Variants in SFI1 observed in about 807,000 individuals in gnomAD.
The protein encoded by SFI1 is SFI1 centrin binding protein.
Under a neutral mutation model 207.5 loss-of-function variants are expected in SFI1, and 195 were observed. The ratio of observed to expected loss-of-function variants is 0.94; its 90% confidence interval spans 0.84 to 1.06. The LOEUF is 1.06. Ranked by LOEUF, SFI1 falls within the 50% of genes least tolerant of loss-of-function variation. The pLI is 0.00. For missense variants in SFI1, 1,634 were observed against 1,588.0 expected (o/e 1.03, Z -0.49); for synonymous variants, 630 against 598.9 (o/e 1.05, Z -0.76).
rs2060511161 is a variant in SFI1 at position 31,550,319 on chromosome 22, G to A, written c.515G>A (p.Arg172Lys). ...TATGTGCGTCAGCAGCAGGAGATGA[G>A]GAACAAGTACATTAGAGCCGAGGTT... is the stretch of plus-strand genomic sequence containing the variant. The part of the protein sequence containing the change: ...KTYVRQQQEM[R>K]NKYIRAEVHD... Residue 172 changes from arginine to lysine, a missense_variant, in exon 6 of 33, where the codon AGG (arginine) becomes AAG (lysine). Transcript: ENST00000400288. 1 of 1,614,122 alleles carries A rather than the reference G, an allele frequency of 6.2e-7. No individual in the cohort carries two copies. Among genetic ancestry groups the A allele is most frequent in the Non-Finnish European group, 8.5e-7 (1 of 1,179,988 alleles).
chr22:31,497,714 G>A (rs1375654200), intron 1 of SFI1, among the ~76,000 whole-genome samples: 1 of 152,136 alleles, frequency 6.6e-6, no homozygotes, highest in African/African-American at 2.4e-5. Context: ...CTCTGTAAAT[G>A]CAACAACAAA....
At chr22:31,572,299 C>G (rs2063032368) in intron 8 of SFI1, among the ~76,000 whole-genome samples, 1 of 152,122 alleles carries the variant, frequency 6.6e-6, no homozygotes, top group Admixed American at 6.6e-5. Flanking sequence ...TTAGGACATG[C>G]ATTATCACTG....
At chr22:31,516,444 T>TG (rs1330617632) in intron 2 of SFI1, among the ~76,000 whole-genome samples, 1 of 150,200 alleles carries the variant, frequency 6.7e-6, no homozygotes, top group Non-Finnish European at 1.5e-5. Flanking sequence ...ACCTGTGAGG[T>TG]GGGGGTTACA....
chr22:31,597,793 T>C (rs1415114938), intron 15 of SFI1, among the ~76,000 whole-genome samples: 2 of 152,188 alleles, frequency 1.3e-5, no homozygotes, highest in Admixed American at 6.5e-5. Flanking sequence ...TATTTTTTAA[T>C]GTTTTAGGAA....
At position 31,618,510 on chromosome 22, in the gene SFI1, T is replaced by A. The variant is rs187527449; in HGVS notation, c.*92T>A. On this transcript the variant is annotated 3_prime_UTR_variant, in exon 33 of 33. Coordinates refer to ENST00000400288, the MANE Select transcript of SFI1 (RefSeq NM_001007467.3). ...ACACAGTTTTAAGTTTGATTTTTTT[T>A]ATTTCAAAATGCTTTGCAATTAAAT... 7.3e-4 allele frequency: 906 copies of A among 1,242,980 alleles called. 7 individuals carry two copies. The African/African-American group carries it at 7.5e-3, about 10-fold the overall frequency. 77.0% of individuals were successfully genotyped at this position (1,242,980 alleles called of 1,614,324 possible).
Position 31,603,821 on chromosome 22 carries a change from T to TA in SFI1, c.1881+4dup. ...TGGGCCTGGAGCCAGTGGAGGGAGG[T>TA]AAGGCTTTGGTGCGAGGTGCCACCC... On this transcript the variant is annotated splice_region_variant and intron_variant, in intron 18 of 32. Coordinates refer to ENST00000400288, the MANE Select transcript of SFI1 (RefSeq NM_001007467.3). 1 of 1,571,160 alleles carries TA rather than the reference T, an allele frequency of 6.4e-7. No homozygotes were observed. Among genetic ancestry groups the TA allele is most frequent in the Non-Finnish European group, 8.6e-7 (1 of 1,166,850 alleles).
At chr22:31,598,269 G>C (rs1229194557) in intron 15 of SFI1, among the ~76,000 whole-genome samples, 12 of 151,832 alleles carry the variant, frequency 7.9e-5, no homozygotes, top group South Asian at 4.2e-4. Context: ...ACAGGCGTGA[G>C]CCACCATGCC....
At chr22:31,573,687 C>G (rs2063186173) in intron 9 of SFI1, among the ~76,000 whole-genome samples, 2 of 152,226 alleles carry the variant, frequency 1.3e-5, no homozygotes, top group African/African-American at 4.8e-5. Context: ...ATCCGCCTGC[C>G]TCAGCCTCCC....
intron 12 of SFI1, among the ~76,000 whole-genome samples, 178 bp downstream of exon 12, chr22:31,580,542 C>CTTTTTTTTTTTT (rs11347645): frequency 9.4e-5 from 11 of 117,282 alleles, no homozygotes; most frequent in Admixed American, 2.9e-4. Flanking sequence ...CTTTTCTTTT[C>CTTTTTTTTTTTT]TTTTTTTTTT....
At chr22:31,589,378 G>A in intron 14 of SFI1, 69 bp from the exon 15 acceptor site, 1 of 1,345,130 alleles carries the variant, frequency 7.4e-7, no homozygotes, top group East Asian at 2.6e-5. Flanking sequence ...CCACAAGGGT[G>A]TGACCCTGAG....
chr22:31,596,368 G>A (rs535359977), intron 15 of SFI1, among the ~76,000 whole-genome samples: 1 of 152,162 alleles, frequency 6.6e-6, no homozygotes, highest in Non-Finnish European at 1.5e-5. Flanking sequence ...CCAGGGAGAT[G>A]GTTTTAGGTG....
chr22:31,614,226 T>C (rs2070944560), intron 27 of SFI1: 2 of 346,404 alleles, frequency 5.8e-6, no homozygotes, highest in Non-Finnish European at 1.1e-5. Context: ...TCTCTTCTGC[T>C]CCATCACAGC....
chr22:31,559,416 C>G (rs1293455019), intron 7 of SFI1: 3 of 362,316 alleles, frequency 8.3e-6, no homozygotes, highest in Admixed American at 7.6e-5. Flanking sequence ...GAGTGAGACT[C>G]TGTCTCGAAA....
At chr22:31,562,121 C>T (rs780811618) in intron 8 of SFI1, among the ~76,000 whole-genome samples, 5 of 152,160 alleles carry the variant, frequency 3.3e-5, no homozygotes, top group Non-Finnish European at 7.4e-5. Flanking sequence ...GGCTCACAGG[C>T]CAAATTTGGC....
intron 16 of SFI1, 98 bp downstream of exon 16, chr22:31,602,391 A>C: frequency 1.6e-6 from 2 of 1,274,778 alleles, no homozygotes; most frequent in Non-Finnish European, 2.2e-6. Flanking sequence ...CTCGGACCTC[A>C]CTGGAGGGCC....
At chr22:31,581,054 G>A (rs1354556836) in intron 12 of SFI1, among the ~76,000 whole-genome samples, 1 of 151,772 alleles carries the variant, frequency 6.6e-6, no homozygotes, top group East Asian at 1.9e-4. Flanking sequence ...CACCCAGGCT[G>A]TAGTGCAGTA....
intron 2 of SFI1, among the ~76,000 whole-genome samples, chr22:31,512,690 G>C (rs1347724041): frequency 1.4e-5 from 2 of 138,796 alleles, no homozygotes; most frequent in Non-Finnish European, 3.2e-5. Context: ...GCTAATATTT[G>C]TATTTTTTTT....
intron 4 of SFI1, among the ~76,000 whole-genome samples, chr22:31,540,583 A>AT (rs755660066): frequency 1.3e-3 from 178 of 132,296 alleles, no homozygotes; most frequent in Middle Eastern, 9.3e-3. Flanking sequence ...CCCAGCCTAC[A>AT]TTTTTTTTTT....
At chr22:31,565,835 TCTTC>T (rs147456269) in intron 8 of SFI1, among the ~76,000 whole-genome samples, 1,955 of 152,286 alleles carry the variant, frequency 0.013, 41 homozygotes, top group African/African-American at 0.045. Context: ...GTGATTTCTT[TCTTC>T]CTTTTTTAAA....
Sources: gnomAD v4.1 joint callset for allele counts (sites outside exome capture counted in the v4.1 genomes callset) on GRCh38, gnomAD v4.1.1 for gene constraint, MANE v1.5 for transcripts, NCBI Gene and HGNC (gene_info 2026-07-23, HGNC 2026-07-21) for gene names.